Variants in CELSR2 observed in about 807,000 individuals in gnomAD.
CELSR2 encodes the protein cadherin EGF LAG seven-pass G-type receptor 2.
A neutral mutation model predicts 251.6 loss-of-function variants in CELSR2; 81 were observed. That is an observed-to-expected ratio of 0.32 (90% CI 0.27 to 0.39). The LOEUF (loss-of-function observed/expected upper bound fraction) is 0.39, where lower values mean the gene tolerates loss of function less well. Ranked by LOEUF, CELSR2 falls within the 10% of genes least tolerant of loss-of-function variation. The probability of loss-of-function intolerance (pLI) is 1.00; values close to 1 mark genes in which losing one functional copy is unlikely to be tolerated. For missense variants in CELSR2, 3,365 were observed against 3,947.7 expected (o/e 0.85, Z 3.96); for synonymous variants, 1,721 against 1,670.5 (o/e 1.03, Z -0.74).
At chr1:109,262,132 A>G (rs1365317490) in intron 5 of CELSR2, among the ~76,000 whole-genome samples, 155 bp from the exon 6 acceptor site, 1 of 152,216 alleles carries the variant, frequency 6.6e-6, no homozygotes, top group Non-Finnish European at 1.5e-5. Flanking sequence ...AGGTAGTTAC[A>G]TGCATAAACC....
Position 109,249,912 on chromosome 1 carries a change from G to C in CELSR2, c.-168G>C. 2.0e-6 allele frequency: 1 copy of C among 501,496 alleles called. No individual in the cohort carries two copies. Among genetic ancestry groups the C allele is most frequent in the Non-Finnish European group, 2.8e-6 (1 of 352,200 alleles). 31.1% of individuals were successfully genotyped at this position (501,496 alleles called of 1,614,324 possible). A position where few individuals can be genotyped will look rare whatever the true frequency, so the allele number is the denominator to read the frequency against. Reference sequence around the variant, plus strand: ...TGGGAGCCCGGGCTCGTCGGAGGGTGCAGCGCGGGGTCCCGCCGAGCCATC... The same window carrying C: ...TGGGAGCCCGGGCTCGTCGGAGGGTCCAGCGCGGGGTCCCGCCGAGCCATC... On this transcript the variant is annotated 5_prime_UTR_variant, in exon 1 of 34. Coordinates refer to ENST00000271332, the MANE Select transcript of CELSR2 (RefSeq NM_001408.3).
intron 1 of CELSR2, among the ~76,000 whole-genome samples, chr1:109,255,505 G>T (rs1473154388): frequency 6.6e-6 from 1 of 152,188 alleles, no homozygotes; most frequent in Non-Finnish European, 1.5e-5. Context: ...GCTCAGACAC[G>T]CAGCAGCTCC....
In CELSR2 at chr1:109,269,746, A is replaced by G; in HGVS notation, c.7033A>G (p.Asn2345Asp). The change falls in exon 22 of 34, where the codon AAT becomes GAT. Residue 2345 changes from asparagine (N) to aspartate (D), a missense_variant. This residue lies in a region of CELSR2 where 2,093 missense variants were observed against 2,382.8 expected (regional missense o/e 0.88). Transcript: ENST00000271332. The surrounding 1 kb of genome is among the most constrained non-coding windows in gnomAD (Gnocchi z 6.4). ...SARGCEVVFR[N>D]ESHVSCQCNH... ...CAGAGGCTGTGAAGTCGTCTTCCGC[A>G]ATGAGAGCCACGTCAGCTGCCAGTG... is the stretch of plus-strand genomic sequence containing the variant. 1 of 1,613,812 alleles carries G rather than the reference A, an allele frequency of 6.2e-7. No individual in the cohort carries two copies. Among genetic ancestry groups the G allele is most frequent in the Non-Finnish European group, 8.5e-7 (1 of 1,180,008 alleles).
intron 6 of CELSR2, 127 bp downstream of exon 6, chr1:109,262,571 G>A: frequency 7.1e-7 from 1 of 1,409,160 alleles, no homozygotes; most frequent in Non-Finnish European, 9.5e-7. Flanking sequence ...TCAGCCCTGG[G>A]GATGGGGTCA....
At position 109,275,292 on chromosome 1, in the gene CELSR2, T is replaced by A. The variant is rs140689076; in HGVS notation, c.*1243T>A. The stretch of plus-strand genomic sequence containing the variant: ...GCTGGGTGTTCCCAGCAGCCCTGGC[T>A]TGGGGGCTTGACGCCCTTCCCCTTG... On this transcript the variant is annotated 3_prime_UTR_variant, in exon 34 of 34. Coordinates refer to ENST00000271332, the MANE Select transcript of CELSR2 (RefSeq NM_001408.3). 1.3e-5 allele frequency: 2 copies of A among 152,376 alleles called. No homozygotes were observed. 9.4% of individuals were successfully genotyped at this position (152,376 alleles called of 1,614,324 possible).
At chr1:109,273,771 T>C (rs1268115174) in intron 33 of CELSR2, 101 bp downstream of exon 33, 2 of 1,061,354 alleles carry the variant, frequency 1.9e-6, no homozygotes, top group Admixed American at 2.8e-5. Context: ...TGGATGGCAT[T>C]TGGAGGACAA....
At chr1:109,266,897 T>A (rs540346011) in intron 15 of CELSR2, among the ~76,000 whole-genome samples, 10 of 140,360 alleles carry the variant, frequency 7.1e-5, no homozygotes, top group African/African-American at 2.7e-4. Flanking sequence ...TTTTTTATAT[T>A]TTTTTAGTAG....
chr1:109,269,520 G>A lies in CELSR2; in HGVS notation c.6909G>A (p.Thr2303=), dbSNP rs150014940. The A allele has an allele frequency of 3.2e-5, 51 of 1,613,982 alleles. No individual in the cohort carries two copies. In the African/African-American group the frequency reaches 5.3e-4, roughly 17 times the overall value. The change falls in exon 21 of 34, where the codon ACG becomes ACA. Residue 2303 remains threonine, a synonymous_variant. Transcript: ENST00000271332. This position sits in a 1 kb window ranked among gnomAD's most constrained non-coding sequence, Gnocchi z 6.4. ...LLPRALDKPV[T]VQFRLLETEE... ...CCCGGGCCCTGGACAAACCCGTCAC[G>A]GTGCAGTTCCGCCTGCTGGAGACAG...
rs777715713 is a variant in CELSR2 at position 109,269,029 on chromosome 1, G to T, written c.6631+21G>T. 1 of 1,605,218 alleles carries T rather than the reference G, an allele frequency of 6.2e-7. No individual in the cohort carries two copies. The highest frequency in any genetic ancestry group is 8.5e-7 in the Non-Finnish European group (1 of 1,173,360). Reference sequence around the variant, plus strand: ...CAGAGGTCAGTGGTGGCCATGGATTGAGTTGGGAGCTGGACCCCAGTGTCT... The same window carrying T: ...CAGAGGTCAGTGGTGGCCATGGATTTAGTTGGGAGCTGGACCCCAGTGTCT... On this transcript the variant is annotated intron_variant, in intron 19 of 33. Coordinates refer to ENST00000271332, the MANE Select transcript of CELSR2 (RefSeq NM_001408.3). The surrounding 1 kb of genome is among the most constrained non-coding windows in gnomAD (Gnocchi z 6.4).
intron 13 of CELSR2, among the ~76,000 whole-genome samples, 172 bp downstream of exon 13, chr1:109,265,483 G>C (rs1656160456): frequency 6.6e-6 from 1 of 152,250 alleles, no homozygotes; most frequent in Non-Finnish European, 1.5e-5. Flanking sequence ...TGAGGCGCAG[G>C]GGGACCCTGG....
rs1359491276 is a variant in CELSR2 at position 109,275,096 on chromosome 1, C to A, written c.*1047C>A. On this transcript the variant is annotated 3_prime_UTR_variant, in exon 34 of 34. Transcript: ENST00000271332. ...TCTGAGACATGTTCTATTTTTAACCCCTTCTTGGAATTGGCTCTCTTCTTC... is the reference window on the plus strand; with the variant it reads ...TCTGAGACATGTTCTATTTTTAACCACTTCTTGGAATTGGCTCTCTTCTTC... 1 of 152,556 alleles carries A rather than the reference C, an allele frequency of 6.6e-6. No individual in the cohort carries two copies. The highest frequency in any genetic ancestry group is 2.4e-5 in the African/African-American group (1 of 41,444). The allele number at this position is 152,556 out of a possible 1,614,324, so 9.5% of individuals were successfully genotyped here. A position where few individuals can be genotyped will look rare whatever the true frequency, so the allele number is the denominator to read the frequency against.
rs41279718 is a variant in CELSR2 at position 109,272,843 on chromosome 1, G to A, written c.8154G>A (p.Thr2718=). ...EGQDQQHDPD[T]DSDSDLSLED... ...TCCCTGGCCTCCTAGATCCTGACAC[G>A]GACTCCGACAGTGACCTGTCCTTAG... Residue 2718 remains threonine, a synonymous_variant, in exon 31 of 34, where the codon ACG becomes ACA. Transcript: ENST00000271332. 2.7e-3 allele frequency: 4,392 copies of A among 1,613,042 alleles called. 17 individuals carry two copies. Among genetic ancestry groups the A allele is most frequent in the Middle Eastern group, 4.5e-3 (27 of 6,058 alleles).
At position 109,269,350 on chromosome 1, in the gene CELSR2, A is replaced by G. The variant is rs557192834; in HGVS notation, c.6812+60A>G. ...TGGGTCGGGCGGTGAGTGCTGAGGC[A>G]TGGAGGGGGTCGGGGGCGTCTCCCC... On this transcript the variant is annotated intron_variant, in intron 20 of 33. Coordinates refer to ENST00000271332, the MANE Select transcript of CELSR2 (RefSeq NM_001408.3). The surrounding 1 kb of genome is among the most constrained non-coding windows in gnomAD (Gnocchi z 6.4). 35 of 1,609,982 alleles carry G rather than the reference A, an allele frequency of 2.2e-5. No individual in the cohort carries two copies. In the South Asian group the frequency reaches 3.6e-4, roughly 17 times the overall value.
Position 109,252,458 on chromosome 1 carries a change from C to T in CELSR2, c.2379C>T (p.Pro793=), listed in dbSNP as rs142070312. The T allele has an allele frequency of 1.6e-4, 256 of 1,613,782 alleles. 3 individuals carry two copies. The African/African-American group carries it at 2.8e-3, about 18-fold the overall frequency. Residue 793 remains proline, a synonymous_variant, in exon 1 of 34, where the codon CCC becomes CCT. Transcript: ENST00000271332. This position sits in a 1 kb window ranked among gnomAD's most constrained non-coding sequence, Gnocchi z 4.8. ...LAITARDNGI[P]QKSDTTYLEI... The stretch of plus-strand genomic sequence containing the variant: ...TTACTGCTCGGGACAATGGCATTCC[C>T]CAGAAGTCCGACACCACCTACCTGG...
At chr1:109,260,519 C>G (rs1655989107) in intron 2 of CELSR2, among the ~76,000 whole-genome samples, 1 of 152,168 alleles carries the variant, frequency 6.6e-6, no homozygotes, top group Admixed American at 6.5e-5. Context: ...AAGCCTGGTC[C>G]CATCCCCAGG....
At position 109,252,161 on chromosome 1, in the gene CELSR2, C is replaced by A; in HGVS notation, c.2082C>A (p.Asp694Glu). Residue 694 changes from aspartate to glutamate, a missense_variant, in exon 1 of 34, where the codon GAC becomes GAA. Transcript: ENST00000271332. This position sits in a 1 kb window ranked among gnomAD's most constrained non-coding sequence, Gnocchi z 4.8. ...AVTASDGTRQ[D>E]TAQIVVNVTD... ...CCGCCTCCGATGGCACTCGGCAGGA[C>A]ACGGCACAGATTGTGGTGAATGTCA... 1 of 1,613,996 alleles carries A rather than the reference C, an allele frequency of 6.2e-7. No individual in the cohort carries two copies. The highest frequency in any genetic ancestry group is 1.1e-5 in the South Asian group (1 of 91,084).
rs1473400895 is a variant in CELSR2, at chr1:109,261,241, T to C, written c.4158T>C (p.Arg1386=). Residue 1386 remains arginine, a synonymous_variant, in exon 3 of 34, where the codon CGT becomes CGC. Transcript: ENST00000271332. The surrounding 1 kb of genome is among the most constrained non-coding windows in gnomAD (Gnocchi z 4.8). ...TCACCTTTCGCGGCCTGCGCCAGCG[T>C]TTCCACTTCACCCTGGCCCTCTCGT... The part of the protein sequence containing the change: ...SFITFRGLRQ[R]FHFTLALSFA... 1 of 1,613,594 alleles carries C rather than the reference T, an allele frequency of 6.2e-7. No homozygotes were observed. Among genetic ancestry groups the C allele is most frequent in the South Asian group, 1.1e-5 (1 of 91,056 alleles).
rs1260300842 is a variant in CELSR2 at position 109,262,335 on chromosome 1, G to T, written c.4435G>T (p.Val1479Leu). The T allele has an allele frequency of 6.2e-7, 1 of 1,614,180 alleles. No homozygotes were observed. The highest frequency in any genetic ancestry group is 2.2e-5 in the East Asian group (1 of 44,886). Residue 1479 changes from valine (V) to leucine (L), a missense_variant, in exon 6 of 34, where the codon GTG becomes TTG. Val to Leu is a conservative substitution (Grantham distance 32, BLOSUM62 1). Coordinates refer to ENST00000271332, the MANE Select transcript of CELSR2 (RefSeq NM_001408.3). ...GLPQGPSEQK[V>L]AVVTVDGCDT... ...CCCACAGGGCCCATCAGAGCAGAAGGTGGCTGTGGTGACCGTGGATGGCTG... is the reference window on the plus strand; with the variant it reads ...CCCACAGGGCCCATCAGAGCAGAAGTTGGCTGTGGTGACCGTGGATGGCTG...
chr1:109,261,534 C>G lies in CELSR2; in HGVS notation c.4203C>G (p.Asp1401Glu). 1 of 1,614,186 alleles carries G rather than the reference C, an allele frequency of 6.2e-7. No individual in the cohort carries two copies. Among genetic ancestry groups the G allele is most frequent in the South Asian group, 1.1e-5 (1 of 91,086 alleles). ...TCAGGTTTGCCACAAAGGAGCGCGA[C>G]GGGTTGCTGTTGTACAATGGGCGTT... Reference protein sequence around the residue: ...LALSFATKERDGLLLYNGRFN... With the variant: ...LALSFATKEREGLLLYNGRFN... The change falls in exon 4 of 34, where the codon GAC (aspartate) becomes GAG (glutamate). Residue 1401 changes from aspartate to glutamate, a missense_variant. By Grantham distance (45) the Asp-to-Glu change is conservative. Coordinates refer to ENST00000271332, the MANE Select transcript of CELSR2 (RefSeq NM_001408.3). The surrounding 1 kb of genome is among the most constrained non-coding windows in gnomAD (Gnocchi z 4.8).
Sources: allele counts gnomAD v4.1 joint callset (sites outside exome capture counted in the v4.1 genomes callset), GRCh38; gene constraint gnomAD v4.1.1; regional missense constraint gnomAD v4.1.1; non-coding constraint Gnocchi (gnomAD v3.1); transcripts MANE v1.5; gene names NCBI Gene and HGNC (gene_info 2026-07-23, HGNC 2026-07-21).